The following SATB2 variants were observed in gnomAD, a reference collection of about 807,000 sequenced individuals.
The protein encoded by SATB2 is DNA-binding protein SATB2.
SATB2 carries 1 observed loss-of-function variant against 73.4 expected under a neutral mutation model. The observed-to-expected ratio is 0.01, with a 90% confidence interval of 0.00 to 0.06. The LOEUF is 0.06. SATB2 is among the 10% of genes least tolerant of loss of function. SATB2 has a pLI of 1.00. For missense variants in SATB2, 459 were observed against 945.8 expected (o/e 0.49, Z 6.75); for synonymous variants, 397 against 367.0 (o/e 1.08, Z -0.93).
chr2:199,298,823 T>C (rs557437991), intron 10 of SATB2, among the ~76,000 whole-genome samples: 2 of 152,354 alleles, frequency 1.3e-5, no homozygotes, highest in East Asian at 1.9e-4. Flanking sequence ...TGTTCTTTTC[T>C]GTTTCTTCTG....
intron 3 of SATB2, among the ~76,000 whole-genome samples, chr2:199,382,503 A>G (rs1169845429): frequency 1.3e-5 from 2 of 152,216 alleles, no homozygotes; most frequent in Non-Finnish European, 2.9e-5. Context: ...CCTGCTGCAT[A>G]TGGTAAACAT....
chr2:199,382,088 C>T (rs1689796180), intron 3 of SATB2, among the ~76,000 whole-genome samples: 1 of 152,124 alleles, frequency 6.6e-6, no homozygotes, highest in Admixed American at 6.5e-5. Flanking sequence ...GAAAACCATA[C>T]GGATACTTCC....
chr2:199,419,641 C>T (rs950021284), intron 3 of SATB2, among the ~76,000 whole-genome samples: 2 of 152,142 alleles, frequency 1.3e-5, no homozygotes, highest in African/African-American at 4.8e-5. Flanking sequence ...CTGCTCCCTC[C>T]GCACAAATGG....
At chr2:199,441,003 C>T (rs1381625036) in intron 2 of SATB2, among the ~76,000 whole-genome samples, 7 of 152,050 alleles carry the variant, frequency 4.6e-5, no homozygotes, top group Non-Finnish European at 1.5e-5. Flanking sequence ...CATGTGCCAC[C>T]GTGCCCGGCT....
At chr2:199,368,783 C>T (rs1014195614) in intron 5 of SATB2, 76 bp from the exon 6 acceptor site, 109 of 759,506 alleles carry the variant, frequency 1.4e-4, no homozygotes, top group Admixed American at 2.2e-4. Context: ...CACTTTATAA[C>T]CTGCACTAAC....
In SATB2 at chr2:199,278,042, C is replaced by T. The variant is rs145536248; in HGVS notation, c.1741-5370G>A. On this transcript the variant is annotated intron_variant, in intron 10 of 10. Coordinates refer to ENST00000417098, the MANE Select transcript of SATB2 (RefSeq NM_001172509.2). ...AGTCTTTAGAGTAGAGGAGATAGAT[C>T]GTAAATAAAATATCAGCTAGTAATA... is the stretch of plus-strand genomic sequence containing the variant. Among the ~76,000 whole-genome samples, 32 of 152,042 alleles carry T rather than the reference C, an allele frequency of 2.1e-4. No homozygotes were observed. In the East Asian group the frequency reaches 4.1e-3, roughly 19 times the overall value.
chr2:199,386,708 GCGCGCGCGCACACACACA>G (rs1437856350), intron 3 of SATB2, among the ~76,000 whole-genome samples: 972 of 45,892 alleles, frequency 0.021, 13 homozygotes, highest in South Asian at 0.043. Flanking sequence ...GCGCGCGCGC[GCGCGCGCGCACACACACA>G]CACACACACA....
intron 6 of SATB2, among the ~76,000 whole-genome samples, chr2:199,361,063 C>T (rs1689122901): frequency 1.3e-5 from 2 of 152,268 alleles, no homozygotes; most frequent in Non-Finnish European, 1.5e-5. Flanking sequence ...TTGCTCTCCT[C>T]TTTAAGGAAT....
chr2:199,310,101 G>A (rs552644340), intron 9 of SATB2, among the ~76,000 whole-genome samples: 25 of 152,202 alleles, frequency 1.6e-4, no homozygotes, highest in Non-Finnish European at 2.2e-4. Context: ...TCTTCCTCGC[G>A]GCCTCCATGT....
intron 3 of SATB2, among the ~76,000 whole-genome samples, chr2:199,389,426 C>T (rs1379046639): frequency 1.3e-5 from 2 of 151,430 alleles, no homozygotes; most frequent in Non-Finnish European, 2.9e-5. Context: ...TTATAACTTA[C>T]ACAAATTAAT....
At chr2:199,341,122 T>C (rs1173734826) in intron 7 of SATB2, among the ~76,000 whole-genome samples, 1 of 152,202 alleles carries the variant, frequency 6.6e-6, no homozygotes, top group East Asian at 1.9e-4. Flanking sequence ...ATTAATTTTT[T>C]AAAGTCCACA....
At chr2:199,333,186 C>T (rs1688238215) in intron 7 of SATB2, among the ~76,000 whole-genome samples, 1 of 151,668 alleles carries the variant, frequency 6.6e-6, no homozygotes, top group Admixed American at 6.6e-5. Context: ...TCTATTAATT[C>T]ATTTCTTATT....
intron 6 of SATB2, among the ~76,000 whole-genome samples, chr2:199,351,022 C>G (rs965929120): frequency 3.9e-5 from 5 of 127,068 alleles, no homozygotes; most frequent in Admixed American, 9.0e-5. Context: ...GAGCGAGACT[C>G]TGTCTCCAAA....
intron 8 of SATB2, among the ~76,000 whole-genome samples, chr2:199,324,433 T>C (rs1245229849): frequency 6.6e-6 from 1 of 152,186 alleles, no homozygotes; most frequent in Non-Finnish European, 1.5e-5. Context: ...GCTTTACATA[T>C]GTCATTCGAG....
chr2:199,368,720 A>G lies in SATB2; in HGVS notation c.598-13T>C, dbSNP rs762510171. 4 of 1,482,496 alleles carry G rather than the reference A, an allele frequency of 2.7e-6. No individual in the cohort carries two copies. In the Admixed American group the frequency reaches 6.7e-5, roughly 25 times the overall value. The allele number at this position is 1,482,496 out of a possible 1,614,324, so 91.8% of individuals were successfully genotyped here. On this transcript the variant is annotated splice_polypyrimidine_tract_variant and intron_variant, in intron 5 of 10. Transcript: ENST00000417098. ...ATGAAATCATACTCTGAAAAAAAAAATTATAGTTATTTTTTCAAAATATGA... is the reference window on the plus strand; with the variant it reads ...ATGAAATCATACTCTGAAAAAAAAAGTTATAGTTATTTTTTCAAAATATGA...
At chr2:199,278,311 A>G (rs1692379861) in intron 10 of SATB2, among the ~76,000 whole-genome samples, 1 of 152,250 alleles carries the variant, frequency 6.6e-6, no homozygotes, top group Non-Finnish European at 1.5e-5. Flanking sequence ...GTGCCGCCCA[A>G]TACAGTAGCC....
At chr2:199,334,950 T>C (rs1482524373) in intron 7 of SATB2, among the ~76,000 whole-genome samples, 1 of 152,108 alleles carries the variant, frequency 6.6e-6, no homozygotes, top group Non-Finnish European at 1.5e-5. Context: ...CAGGTTTCCC[T>C]GGGTTCTGTA....
intron 7 of SATB2, among the ~76,000 whole-genome samples, chr2:199,337,073 C>T (rs1204933291): frequency 6.6e-6 from 1 of 152,084 alleles, no homozygotes; most frequent in African/African-American, 2.4e-5. Flanking sequence ...CATCACAGTA[C>T]AATTTTTATT....
intron 7 of SATB2, among the ~76,000 whole-genome samples, chr2:199,342,179 C>T (rs1236177400): frequency 1.3e-5 from 2 of 151,966 alleles, no homozygotes; most frequent in Admixed American, 6.6e-5. Context: ...AGCGGGGAGG[C>T]GGGGGAGCAT....
Sources: allele counts gnomAD v4.1 joint callset (sites outside exome capture counted in the v4.1 genomes callset), GRCh38; gene constraint gnomAD v4.1.1; transcripts MANE v1.5; gene names NCBI Gene and HGNC (gene_info 2026-07-23, HGNC 2026-07-21).